Variants in PPTC7 observed in about 807,000 individuals in gnomAD.
The protein encoded by PPTC7 is protein phosphatase targeting COQ7, also known as protein phosphatase PTC7 homolog.
In PPTC7, 6 loss-of-function variants were observed where a neutral mutation model predicts 30.8. The observed-to-expected ratio is 0.19, with a 90% confidence interval of 0.11 to 0.38. The LOEUF (loss-of-function observed/expected upper bound fraction) is 0.38. PPTC7 is among the 10% of genes least tolerant of loss of function. The pLI, the probability that PPTC7 is intolerant of heterozygous loss-of-function variation, is 1.00. For synonymous variants in PPTC7, 163 were observed against 168.1 expected (o/e 0.97, Z 0.23); for missense variants, 218 against 404.8 (o/e 0.54, Z 3.96).
intron 1 of PPTC7, among the ~76,000 whole-genome samples, chr12:110,562,272 T>C (rs1337885059): frequency 2.2e-5 from 2 of 92,380 alleles, no homozygotes; most frequent in African/African-American, 9.0e-5. Context: ...GGGCAACAGA[T>C]TGAGACTCCA....
At chr12:110,571,242 CA>C (rs1297310169) in intron 1 of PPTC7, among the ~76,000 whole-genome samples, 1 of 151,614 alleles carries the variant, frequency 6.6e-6, no homozygotes, top group Non-Finnish European at 1.5e-5. Context: ...AAAGTATCTA[CA>C]AAAAATCTAA....
chr12:110,548,106 C>CAA (rs779977311), intron 2 of PPTC7, among the ~76,000 whole-genome samples: 7 of 109,712 alleles, frequency 6.4e-5, no homozygotes, highest in African/African-American at 1.4e-4. Flanking sequence ...GACTCTGTCT[C>CAA]AAAAAAAAAA....
At chr12:110,566,143 G>A (rs745980249) in intron 1 of PPTC7, among the ~76,000 whole-genome samples, 3 of 113,740 alleles carry the variant, frequency 2.6e-5, no homozygotes, top group Non-Finnish European at 3.5e-5. Context: ...ACAATGCAGT[G>A]CAGAGCTTAC....
chr12:110,560,920 A>G (rs938506598), intron 1 of PPTC7, among the ~76,000 whole-genome samples: 1 of 152,216 alleles, frequency 6.6e-6, no homozygotes, highest in Non-Finnish European at 1.5e-5. Flanking sequence ...TCAGTGAAAC[A>G]CATCTCCTGC....
intron 2 of PPTC7, among the ~76,000 whole-genome samples, chr12:110,547,228 A>T (rs1275372454): frequency 6.6e-6 from 1 of 152,232 alleles, no homozygotes; most frequent in Non-Finnish European, 1.5e-5. Context: ...ACATCCATAC[A>T]GTGCAAAGAT....
intron 1 of PPTC7, among the ~76,000 whole-genome samples, chr12:110,574,724 T>C (rs2064572760): frequency 6.6e-6 from 1 of 152,196 alleles, no homozygotes; most frequent in Non-Finnish European, 1.5e-5. Context: ...TTTTGTGAAC[T>C]GTTAGGAAAC....
intron 2 of PPTC7, 168 bp from the exon 3 acceptor site, chr12:110,546,246 T>C (rs1484004887): frequency 1.8e-5 from 11 of 615,046 alleles, no homozygotes; most frequent in Non-Finnish European, 3.2e-5. Context: ...AATAAAATCC[T>C]GATCAGGGTT....
At chr12:110,573,753 G>A (rs150907882) in intron 1 of PPTC7, among the ~76,000 whole-genome samples, 104 of 152,044 alleles carry the variant, frequency 6.8e-4, no homozygotes, top group Middle Eastern at 6.8e-3. Context: ...AGGCCGAGGC[G>A]GGCAGATTAC....
At chr12:110,544,653 G>C (rs1486831437) in intron 3 of PPTC7, among the ~76,000 whole-genome samples, 1 of 152,200 alleles carries the variant, frequency 6.6e-6, no homozygotes, top group African/African-American at 2.4e-5. Context: ...GGCCAACATG[G>C]TGAAACCCTG....
chr12:110,541,565 TGGCAC>T (rs1187497320), intron 3 of PPTC7, among the ~76,000 whole-genome samples: 14 of 151,876 alleles, frequency 9.2e-5, no homozygotes, highest in African/African-American at 3.4e-4. Context: ...CTGGGCGTGG[TGGCAC>T]ACGCCTGTAA....
At chr12:110,546,346 C>A in intron 2 of PPTC7, 1 of 447,162 alleles carries the variant, frequency 2.2e-6, no homozygotes, top group Non-Finnish European at 4.1e-6. Flanking sequence ...TGACAGAAAG[C>A]AATAAAAATG....
rs1413360085 is a variant in PPTC7 at position 110,582,981 on chromosome 12, G to A, written c.51C>T (p.Gly17=). 4.6e-6 allele frequency: 7 copies of A among 1,525,164 alleles called. No individual in the cohort carries two copies. The East Asian group carries it at 1.5e-4, about 33-fold the overall frequency. 94.5% of individuals were successfully genotyped at this position (1,525,164 alleles called of 1,614,324 possible). A position where few individuals can be genotyped will look rare whatever the true frequency, so the allele number is the denominator to read the frequency against. The change falls in exon 1 of 6, where the codon GGC becomes GGT. Residue 17 remains glycine (G), a synonymous_variant. Coordinates refer to ENST00000354300, the MANE Select transcript of PPTC7 (RefSeq NM_139283.2). ...YGRLVARAVL[G]GLSQTDPRAG... ...CCCTGGGGTCGGTCTGCGAGAGGCC[G>A]CCGAGCACGGCGCGGGCCACCAGCC...
chr12:110,540,207 G>A (rs2135759271), intron 3 of PPTC7, among the ~76,000 whole-genome samples: 1 of 152,122 alleles, frequency 6.6e-6, no homozygotes, highest in South Asian at 2.1e-4. Context: ...ACAAGTGGCT[G>A]AGAAGGAGGG....
chr12:110,556,554 T>C (rs944042350), intron 1 of PPTC7, among the ~76,000 whole-genome samples: 2 of 152,030 alleles, frequency 1.3e-5, no homozygotes, highest in African/African-American at 2.4e-5. Flanking sequence ...GATCCAGATA[T>C]AAAGGGAAAT....
chr12:110,568,168 G>A (rs892152441), intron 1 of PPTC7, among the ~76,000 whole-genome samples: 1 of 151,812 alleles, frequency 6.6e-6, no homozygotes, highest in Non-Finnish European at 1.5e-5. Flanking sequence ...CCTCAATCTG[G>A]AGTATTCCCA....
intron 2 of PPTC7, among the ~76,000 whole-genome samples, chr12:110,550,874 AT>A (rs2064345342): frequency 6.6e-6 from 1 of 152,198 alleles, no homozygotes; most frequent in Non-Finnish European, 1.5e-5. Flanking sequence ...AATGAACTGA[AT>A]TTTGCAGGCC....
intron 1 of PPTC7, among the ~76,000 whole-genome samples, chr12:110,559,726 A>AG (rs1565922698): frequency 1.4e-5 from 2 of 143,842 alleles, no homozygotes; most frequent in South Asian, 4.5e-4. Flanking sequence ...ACTCAGCCTC[A>AG]GGGGAAAAAA....
chr12:110,582,812 G>C lies in PPTC7; in HGVS notation c.220C>G (p.Leu74Val). ...GGGAACCGGGTCGGGGACTCACCGA[G>C]CACGTCCGCGGAACGGTGCCGGGCC... Reference protein sequence around the residue: ...FVARHRSADVLGVADGVGGWR... With the variant: ...FVARHRSADVVGVADGVGGWR... The change falls in exon 1 of 6, where the codon CTC becomes GTC. Residue 74 changes from leucine (L) to valine (V), a missense_variant. By Grantham distance (32) the Leu-to-Val change is conservative. Coordinates refer to ENST00000354300, the MANE Select transcript of PPTC7 (RefSeq NM_139283.2). The C allele has an allele frequency of 6.4e-7, 1 of 1,557,370 alleles. No homozygotes were observed. The highest frequency in any genetic ancestry group is 8.7e-7 in the Non-Finnish European group (1 of 1,151,584).
intron 1 of PPTC7, among the ~76,000 whole-genome samples, chr12:110,555,093 A>G (rs2135775891): frequency 6.6e-6 from 1 of 152,308 alleles, no homozygotes; most frequent in African/African-American, 2.4e-5. Flanking sequence ...GCCTATATAT[A>G]CATCCCTGAA....
Sources: allele counts gnomAD v4.1 joint callset (sites outside exome capture counted in the v4.1 genomes callset), GRCh38; gene constraint gnomAD v4.1.1; transcripts MANE v1.5; gene names NCBI Gene and HGNC (gene_info 2026-07-23, HGNC 2026-07-21).